Variants in TMEFF2 observed in about 807,000 individuals in gnomAD.
TMEFF2 encodes transmembrane protein with EGF like and two follistatin like domains 2, also known as tomoregulin-2.
A neutral mutation model predicts 53.8 loss-of-function variants in TMEFF2; 28 were observed. The ratio of observed to expected loss-of-function variants is 0.52; its 90% CI spans 0.39 to 0.71. The LOEUF (loss-of-function observed/expected upper bound fraction) is 0.71. TMEFF2 is among the 30% of genes least tolerant of loss of function. The pLI, the probability that TMEFF2 is intolerant of heterozygous loss-of-function variation, is 0.00. For missense variants in TMEFF2, 353 were observed against 455.2 expected (o/e 0.78, Z 2.04); for synonymous variants, 162 against 166.3 (o/e 0.97, Z 0.20).
chr2:192,096,672 T>TC (rs34561797), intron 4 of TMEFF2, among the ~76,000 whole-genome samples: 128 of 5,116 alleles, frequency 0.025, 9 homozygotes, highest in Non-Finnish European at 0.077. Flanking sequence ...CTCTCTCTCT[T>TC]TTTTTTTTTT....
intron 4 of TMEFF2, among the ~76,000 whole-genome samples, chr2:192,128,901 CG>C (rs35926473): frequency 0.15 from 22,419 of 152,132 alleles, 2,392 homozygotes; most frequent in African/African-American, 0.28. Context: ...TGGCTTCCCC[CG>C]GGGAGGTAGC....
chr2:192,115,169 T>C (rs1190535214), intron 4 of TMEFF2, among the ~76,000 whole-genome samples: 2 of 152,006 alleles, frequency 1.3e-5, no homozygotes, highest in Non-Finnish European at 2.9e-5. Flanking sequence ...GGCATCATAT[T>C]ACCTGACTTC....
chr2:192,176,309 C>A (rs1471197671), intron 4 of TMEFF2, among the ~76,000 whole-genome samples: 2 of 151,294 alleles, frequency 1.3e-5, no homozygotes, highest in South Asian at 2.1e-4. Flanking sequence ...GATGTAGATG[C>A]CTTTCAAAAC....
At chr2:191,964,396 T>TCC (rs1692401583) in intron 7 of TMEFF2, among the ~76,000 whole-genome samples, 1 of 58,366 alleles carries the variant, frequency 1.7e-5, no homozygotes, top group Non-Finnish European at 3.3e-5. Flanking sequence ...CTTTCTTTCT[T>TCC]TCTCTTTCTT....
At chr2:192,153,949 CT>C (rs1406856811) in intron 4 of TMEFF2, among the ~76,000 whole-genome samples, 3 of 151,750 alleles carry the variant, frequency 2.0e-5, no homozygotes, top group African/African-American at 7.3e-5. Context: ...AGCTTAAATT[CT>C]TACATGGTTG....
At chr2:192,177,349 A>G (rs1006043790) in intron 4 of TMEFF2, 1 of 151,148 alleles carries the variant, frequency 6.6e-6, no homozygotes, top group African/African-American at 2.4e-5. Flanking sequence ...GTTATTCTAA[A>G]CTAGGTTTTT....
intron 4 of TMEFF2, among the ~76,000 whole-genome samples, chr2:192,064,532 A>G (rs557645567): frequency 1.3e-5 from 2 of 151,976 alleles, no homozygotes; most frequent in Admixed American, 6.6e-5. Flanking sequence ...AGACTTATCT[A>G]TAGTACCACA....
intron 4 of TMEFF2, among the ~76,000 whole-genome samples, chr2:192,164,893 T>G (rs187874890): frequency 2.6e-5 from 4 of 152,182 alleles, no homozygotes; most frequent in African/African-American, 9.7e-5. Context: ...AATATTATGC[T>G]ATGTTATCAA....
At chr2:191,979,658 T>TAAAC (rs1240791107) in intron 7 of TMEFF2, among the ~76,000 whole-genome samples, 1 of 152,100 alleles carries the variant, frequency 6.6e-6, no homozygotes, top group Non-Finnish European at 1.5e-5. Context: ...CCCCTCTCAG[T>TAAAC]AAACAGGCTG....
intron 4 of TMEFF2, among the ~76,000 whole-genome samples, chr2:192,071,913 A>G (rs1688301881): frequency 6.6e-6 from 1 of 151,944 alleles, no homozygotes; most frequent in South Asian, 2.1e-4. Flanking sequence ...GTGCTGAGTC[A>G]CTGAGAAAAA....
intron 7 of TMEFF2, among the ~76,000 whole-genome samples, chr2:191,977,807 TATA>T (rs1685768041): frequency 6.6e-6 from 1 of 152,222 alleles, no homozygotes; most frequent in Non-Finnish European, 1.5e-5. Context: ...ACAAGTTTGT[TATA>T]ATAAGATAAT....
At chr2:192,179,338 A>G (rs1691128785) in intron 4 of TMEFF2, 1 of 269,212 alleles carries the variant, frequency 3.7e-6, no homozygotes, top group Non-Finnish European at 6.9e-6. Flanking sequence ...TTCCTCATGA[A>G]TTCTTTCTTC....
At chr2:192,021,856 C>A (rs757656984) in intron 5 of TMEFF2, 1 of 152,210 alleles carries the variant, frequency 6.6e-6, no homozygotes, top group African/African-American at 2.4e-5. Flanking sequence ...AATACAGGAA[C>A]TAAGTCCTTA....
At chr2:192,013,736 C>T (rs1686685853) in intron 5 of TMEFF2, among the ~76,000 whole-genome samples, 1 of 152,232 alleles carries the variant, frequency 6.6e-6, no homozygotes, top group African/African-American at 2.4e-5. Flanking sequence ...CAGGCATGAA[C>T]CACTGCACCT....
intron 5 of TMEFF2, among the ~76,000 whole-genome samples, chr2:192,030,889 TAGA>T (rs1029293832): frequency 2.0e-5 from 3 of 152,116 alleles, no homozygotes; most frequent in African/African-American, 7.2e-5. Flanking sequence ...CCTGCATGAT[TAGA>T]AGAATAGAAC....
At chr2:191,996,254 A>T (rs1394793617) in intron 7 of TMEFF2, among the ~76,000 whole-genome samples, 1 of 151,924 alleles carries the variant, frequency 6.6e-6, no homozygotes, top group East Asian at 1.9e-4. Flanking sequence ...ATTGACACTG[A>T]TCAACTTGAA....
At chr2:191,968,997 T>C (rs1329802830) in intron 7 of TMEFF2, among the ~76,000 whole-genome samples, 1 of 152,126 alleles carries the variant, frequency 6.6e-6, no homozygotes, top group Non-Finnish European at 1.5e-5. Flanking sequence ...ACACACCTGT[T>C]ACCTATTCAG....
chr2:192,075,608 A>T (rs977685860), intron 4 of TMEFF2, among the ~76,000 whole-genome samples: 2 of 151,944 alleles, frequency 1.3e-5, no homozygotes, highest in Middle Eastern at 3.4e-3. Flanking sequence ...TTATGTGTTC[A>T]CATCTAGAAG....
At chr2:191,984,293 A>G (rs960790233) in intron 7 of TMEFF2, among the ~76,000 whole-genome samples, 2 of 152,148 alleles carry the variant, frequency 1.3e-5, no homozygotes, top group Non-Finnish European at 2.9e-5. Flanking sequence ...AGTTTCTCCA[A>G]ATAAATTTAA....
Sources: allele counts gnomAD v4.1 joint callset (sites outside exome capture counted in the v4.1 genomes callset), GRCh38; gene constraint gnomAD v4.1.1; transcripts MANE v1.5; gene names NCBI Gene and HGNC (gene_info 2026-07-23, HGNC 2026-07-21).